The following TET3 variants were observed in gnomAD, a reference collection of about 807,000 sequenced individuals.
TET3 encodes the protein tet methylcytosine dioxygenase 3, also known as methylcytosine dioxygenase TET3.
A neutral mutation model predicts 141.4 loss-of-function variants in TET3; 19 were observed. The observed-to-expected ratio is 0.13, with a 90% CI of 0.09 to 0.20. The LOEUF (loss-of-function observed/expected upper bound fraction) is 0.20. Among genes scored for constraint, TET3 ranks in the 10% least tolerant of loss-of-function variants. TET3 has a pLI of 1.00. For missense variants in TET3, 1,874 were observed against 2,356.9 expected (o/e 0.80, Z 4.24); for synonymous variants, 1,043 against 980.9 (o/e 1.06, Z -1.18).
intron 5 of TET3, among the ~76,000 whole-genome samples, chr2:74,076,276 A>G (rs928630936): frequency 3.9e-5 from 6 of 151,952 alleles, no homozygotes; most frequent in African/African-American, 1.5e-4. Context: ...TTCCTTAGCA[A>G]CTGGTTTATT....
At chr2:74,115,407 A>G in the TET3 span, among the ~76,000 whole-genome samples, 1 of 152,208 alleles carries the variant, frequency 6.6e-6, no homozygotes, top group Non-Finnish European at 1.5e-5. Flanking sequence ...AACGGACATT[A>G]GAGACCAAGA....
chr2:74,075,320 CTTTTTTTTTTTTTT>C (rs971111434), intron 5 of TET3, among the ~76,000 whole-genome samples: 5 of 89,080 alleles, frequency 5.6e-5, no homozygotes, highest in East Asian at 6.3e-4. Context: ...GAGCCAAATA[CTTTTTTTTTTTTTT>C]TTTTTTTTTT....
At chr2:74,080,951 C>T (rs1201923805) in intron 6 of TET3, among the ~76,000 whole-genome samples, 1 of 152,198 alleles carries the variant, frequency 6.6e-6, no homozygotes, top group Non-Finnish European at 1.5e-5. Flanking sequence ...TGTCATGACC[C>T]GTTGATGGGC....
chr2:73,985,228 C>T (rs868802301), intron 1 of TET3, 71 bp downstream of exon 1: 34 of 102,746 alleles, frequency 3.3e-4, no homozygotes, highest in South Asian at 6.9e-4. Flanking sequence ...GGGCCCGGCC[C>T]GGGGGAGGGG....
At chr2:74,067,137 T>G (rs1249798830) in intron 4 of TET3, among the ~76,000 whole-genome samples, 1 of 151,946 alleles carries the variant, frequency 6.6e-6, no homozygotes, top group Non-Finnish European at 1.5e-5. Flanking sequence ...CCTTCTCCTC[T>G]CCCCACCTCT....
chr2:74,002,910 G>A (rs563907877), intron 2 of TET3, 200 bp from the exon 3 acceptor site: 1 of 601,056 alleles, frequency 1.7e-6, no homozygotes, highest in Non-Finnish European at 3.0e-6. Flanking sequence ...AAACACACTG[G>A]AAGGCGGGGG....
chr2:74,128,048 G>A, the TET3 span, among the ~76,000 whole-genome samples: 1 of 152,178 alleles, frequency 6.6e-6, no homozygotes, highest in South Asian at 2.1e-4. Flanking sequence ...TAATGTCACA[G>A]GTTAATAATG....
rs117402137 is a variant in TET3, at chr2:74,016,193, C to A, written c.360+13027C>A. On this transcript the variant is annotated intron_variant, in intron 3 of 11. Coordinates refer to ENST00000409262, the MANE Select transcript of TET3 (RefSeq NM_001287491.2). ...GATCAGTGGGGGCAACATAGTGAGA[C>A]CCCATCTGTACAAAAAATGAACTTG... Among the ~76,000 whole-genome samples, 24 of 151,966 alleles carry A rather than the reference C, an allele frequency of 1.6e-4. 1 individual carries two copies. In the East Asian group the frequency reaches 4.7e-3, roughly 29 times the overall value.
At chr2:74,089,837 G>A in intron 7 of TET3, 60 bp from the exon 8 acceptor site, 1 of 1,589,286 alleles carries the variant, frequency 6.3e-7, no homozygotes, top group Non-Finnish European at 8.6e-7. Context: ...GAGGGAGGAG[G>A]AATACTCCAG....
rs947731850 is a variant in TET3 at position 73,986,193 on chromosome 2, G to A, written c.-211G>A. 3.5e-5 allele frequency: 14 copies of A among 394,836 alleles called. No individual in the cohort carries two copies. Among genetic ancestry groups the A allele is most frequent in the Non-Finnish European group, 4.0e-5 (9 of 227,740 alleles). The allele number at this position is 394,836 out of a possible 1,614,324, so 24.5% of individuals were successfully genotyped here. A position where few individuals can be genotyped will look rare whatever the true frequency, so the allele number is the denominator to read the frequency against. On this transcript the variant is annotated 5_prime_UTR_variant, in exon 2 of 12. In the 5' UTR this introduces an upstream ATG that the reference lacks. Transcript: ENST00000409262. ...ATCCTGGGCCCCAGCAGGTGGGAGA[G>A]TGGCCCCCTACGGAGTCCGATCAGA...
intron 5 of TET3, among the ~76,000 whole-genome samples, chr2:74,074,556 T>A (rs1411742945): frequency 1.3e-5 from 2 of 152,254 alleles, no homozygotes; most frequent in Non-Finnish European, 2.9e-5. Flanking sequence ...AGTTCGAGTC[T>A]ATGGCTCAGG....
At chr2:74,078,438 C>G (rs61000685) in intron 5 of TET3, among the ~76,000 whole-genome samples, 3,419 of 152,298 alleles carry the variant, frequency 0.022, 139 homozygotes, top group African/African-American at 0.078. Context: ...TTTTCCCCCC[C>G]ACTTAATTTC....
intron 7 of TET3, among the ~76,000 whole-genome samples, chr2:74,088,884 G>A (rs760588817): frequency 3.3e-5 from 5 of 151,960 alleles, no homozygotes; most frequent in Admixed American, 1.3e-4. Context: ...AATTCGAGAC[G>A]AGCCTGGCCA....
intron 3 of TET3, among the ~76,000 whole-genome samples, chr2:74,034,613 G>T (rs1332973518): frequency 6.6e-6 from 1 of 150,604 alleles, no homozygotes; most frequent in Admixed American, 6.6e-5. Flanking sequence ...TAGATTCTGG[G>T]ATTCATTGAT....
chr2:74,100,844 C>A lies in TET3; in HGVS notation c.4056C>A (p.Pro1352=). The change falls in exon 12 of 12, where the codon CCC becomes CCA. Residue 1352 remains proline (P), a synonymous_variant. Coordinates refer to ENST00000409262, the MANE Select transcript of TET3 (RefSeq NM_001287491.2). ...CTGTTCCCACAGACGCCCACCACCC[C>A]ACTCCTCACCACCAGCAGCCTGCGT... ...SQAVPTDAHH[P]TPHHQQPAYP... 2 of 1,611,812 alleles carry A rather than the reference C, an allele frequency of 1.2e-6. No homozygotes were observed. The highest frequency in any genetic ancestry group is 1.7e-6 in the Non-Finnish European group (2 of 1,179,186).
At position 73,986,438 on chromosome 2, in the gene TET3, C is replaced by G. The variant is rs1684029260; in HGVS notation, c.35C>G (p.Pro12Arg). Residue 12 changes from proline (P) to arginine (R), a missense_variant, in exon 2 of 12, where the codon CCG becomes CGG. By Grantham distance (103) the Pro-to-Arg change is moderately radical (BLOSUM62 -2). Coordinates refer to ENST00000409262, the MANE Select transcript of TET3 (RefSeq NM_001287491.2). ...SQFQVPLAVQ[P>R]DLPGLYDFPQ... ...TTTCAGGTGCCCCTGGCCGTCCAGC[C>G]GGACCTGCCAGGCCTTTATGACTTC... 1 of 1,232,140 alleles carries G rather than the reference C, an allele frequency of 8.1e-7. No individual in the cohort carries two copies. The highest frequency in any genetic ancestry group is 4.1e-5 in the South Asian group (1 of 24,326). 76.3% of individuals were successfully genotyped at this position (1,232,140 alleles called of 1,614,324 possible). A position where few individuals can be genotyped will look rare whatever the true frequency, so the allele number is the denominator to read the frequency against.
chr2:73,986,676 G>A lies in TET3; in HGVS notation c.273G>A (p.Val91=). ...TCTGCAAACTGCGAAAATGTGAGGT[G>A]CTGAAGAAAAAAGTAGGGCTTCTCA... ...HQICKLRKCE[V]LKKKVGLLKE... is the part of the protein sequence containing the mutation. The change falls in exon 2 of 12, where the codon GTG becomes GTA. Residue 91 remains valine (V), a synonymous_variant. Transcript: ENST00000409262. The A allele has an allele frequency of 2.4e-6, 3 of 1,232,060 alleles. No individual in the cohort carries two copies. Among genetic ancestry groups the A allele is most frequent in the Non-Finnish European group, 3.0e-6 (3 of 987,974 alleles). 76.3% of individuals were successfully genotyped at this position (1,232,060 alleles called of 1,614,324 possible). A position where few individuals can be genotyped will look rare whatever the true frequency, so the allele number is the denominator to read the frequency against.
chr2:74,049,737 C>A (rs755782704), intron 4 of TET3, among the ~76,000 whole-genome samples: 2 of 152,120 alleles, frequency 1.3e-5, no homozygotes, highest in Admixed American at 6.5e-5. Context: ...CTGGGCTGTT[C>A]TGCCTCCTCC....
At chr2:74,025,249 G>T (rs1573720600) in intron 3 of TET3, among the ~76,000 whole-genome samples, 4 of 148,536 alleles carry the variant, frequency 2.7e-5, no homozygotes, top group African/African-American at 9.9e-5. Flanking sequence ...AAAGTAAGTA[G>T]CAAAACTGAT....
Sources: gnomAD v4.1 joint callset for allele counts (sites outside exome capture counted in the v4.1 genomes callset) on GRCh38, gnomAD v4.1.1 for gene constraint, MANE v1.5 for transcripts, NCBI Gene and HGNC (gene_info 2026-07-23, HGNC 2026-07-21) for gene names.